The following RGS7 variants were observed in gnomAD, a reference collection of about 807,000 sequenced individuals.
RGS7 encodes the protein regulator of G protein signaling 7.
A neutral mutation model predicts 81.1 loss-of-function variants in RGS7; 27 were observed. The observed-to-expected ratio is 0.33, with a 90% CI of 0.25 to 0.46. RGS7 has a LOEUF of 0.46. Ranked by LOEUF, RGS7 falls within the 20% of genes least tolerant of loss-of-function variation. The pLI, the probability that RGS7 is intolerant of heterozygous loss-of-function variation, is 1.00. For synonymous variants in RGS7, 208 were observed against 207.7 expected, an observed-to-expected ratio of 1.00 and a Z score of -0.01; for missense variants, 396 against 607.4, an observed-to-expected ratio of 0.65 and a Z score of 3.66.
chr1:241,268,612 ACG>A (rs1218639783), intron 2 of RGS7, among the ~76,000 whole-genome samples: 1 of 152,136 alleles, frequency 6.6e-6, no homozygotes, highest in Non-Finnish European at 1.5e-5. Flanking sequence ...GCTAGGAGAT[ACG>A]AGAGGGAAAG....
At chr1:241,093,886 G>A (rs1572661233) in intron 3 of RGS7, among the ~76,000 whole-genome samples, 2 of 152,174 alleles carry the variant, frequency 1.3e-5, no homozygotes, top group East Asian at 3.9e-4. Context: ...TGCTATGGGG[G>A]ATGACTCCTA....
intron 2 of RGS7, among the ~76,000 whole-genome samples, chr1:241,217,569 T>C (rs1356643943): frequency 6.6e-6 from 1 of 152,106 alleles, no homozygotes; most frequent in African/African-American, 2.4e-5. Flanking sequence ...AGCAAGAGAC[T>C]CCACCAAGAC....
intron 9 of RGS7, among the ~76,000 whole-genome samples, chr1:240,865,312 A>G (rs1663036468): frequency 6.6e-6 from 1 of 152,160 alleles, no homozygotes; most frequent in Non-Finnish European, 1.5e-5. Context: ...CTGGAAGTGT[A>G]CACAATAGGA....
At chr1:241,112,805 A>G (rs539630888) in intron 2 of RGS7, among the ~76,000 whole-genome samples, 1 of 152,214 alleles carries the variant, frequency 6.6e-6, no homozygotes, top group Non-Finnish European at 1.5e-5. Context: ...AGGCACTACA[A>G]CGTTAAGATG....
chr1:240,863,137 G>T (rs1248566476), intron 9 of RGS7, among the ~76,000 whole-genome samples: 1 of 152,102 alleles, frequency 6.6e-6, no homozygotes, highest in Non-Finnish European at 1.5e-5. Context: ...TGTAGAGATG[G>T]AATCTCACTA....
chr1:241,321,687 C>T (rs1343085855), intron 2 of RGS7, among the ~76,000 whole-genome samples: 1 of 151,946 alleles, frequency 6.6e-6, no homozygotes. Context: ...TACTATGAAC[C>T]TTAAAGAATA....
In RGS7 at chr1:241,189,995, C is replaced by T. The variant is rs570788571; in HGVS notation, c.79-91233G>A. ...GTGGGCACCTGTAGTCCCAGCTACT[C>T]GGGAGGCTGAGGCAGGAGAATGGCG... On this transcript the variant is annotated intron_variant, in intron 2 of 18. Transcript: ENST00000440928. Among the ~76,000 whole-genome samples, 366 of 152,024 alleles carry T rather than the reference C, an allele frequency of 2.4e-3. 4 individuals are homozygous for T. The highest frequency in any genetic ancestry group is 0.014 in the Admixed American group (216 of 15,284).
At chr1:241,264,367 G>A (rs1008537227) in intron 2 of RGS7, among the ~76,000 whole-genome samples, 3 of 152,212 alleles carry the variant, frequency 2.0e-5, no homozygotes, top group Middle Eastern at 3.4e-3. Flanking sequence ...CTGTGGTGGC[G>A]TGCACCTGCA....
In RGS7 at chr1:241,292,263, A is replaced by T. The variant is rs954391176; in HGVS notation, c.78+63436T>A. On this transcript the variant is annotated intron_variant, in intron 2 of 18. Transcript: ENST00000440928. ...CACTCTAAATAATGATAAAAACTAT[A>T]GTATAGTAAATACATAAACCAGTAA... Among the ~76,000 whole-genome samples, 5 of 152,212 alleles carry T rather than the reference A, an allele frequency of 3.3e-5. 1 individual carries two copies. Among genetic ancestry groups the T allele is most frequent in the Admixed American group, 2.6e-4 (4 of 15,286 alleles).
chr1:241,147,762 T>C (rs1220177165), intron 2 of RGS7, among the ~76,000 whole-genome samples: 1 of 113,706 alleles, frequency 8.8e-6, no homozygotes, highest in Non-Finnish European at 1.8e-5. Flanking sequence ...GGATTAAATA[T>C]CCCATCTAGA....
chr1:240,948,917 C>A (rs1679097410), intron 4 of RGS7, among the ~76,000 whole-genome samples: 1 of 151,592 alleles, frequency 6.6e-6, no homozygotes, highest in South Asian at 2.1e-4. Flanking sequence ...AAGTAGTTAA[C>A]CACTTGGAAT....
intron 3 of RGS7, among the ~76,000 whole-genome samples, chr1:241,094,254 C>T (rs961682911): frequency 5.9e-5 from 9 of 151,352 alleles, no homozygotes; most frequent in Non-Finnish European, 1.3e-4. Context: ...CACACACACA[C>T]ACACACACAC....
intron 2 of RGS7, among the ~76,000 whole-genome samples, chr1:241,154,717 T>C (rs1260797700): frequency 2.0e-5 from 3 of 151,964 alleles, no homozygotes; most frequent in African/African-American, 4.8e-5. Context: ...CTGAGGAAAA[T>C]TGGCAGAGCT....
chr1:241,116,049 G>A (rs1345749947), intron 2 of RGS7, among the ~76,000 whole-genome samples: 1 of 152,104 alleles, frequency 6.6e-6, no homozygotes, highest in Non-Finnish European at 1.5e-5. Flanking sequence ...TGCCATGACT[G>A]TAACTTTCCT....
Position 241,177,877 on chromosome 1 carries a change from G to A in RGS7, c.79-79115C>T, listed in dbSNP as rs1451684805. On this transcript the variant is annotated intron_variant, in intron 2 of 18. Coordinates refer to ENST00000440928, the MANE Select transcript of RGS7 (RefSeq NM_001364886.1). The stretch of plus-strand genomic sequence containing the variant: ...TCATTTGCTGAGTCAGGGAAAAGTG[G>A]GGAGGAAAAGGAGGGTCGAGAAGAA... Among the ~76,000 whole-genome samples the A allele has an allele frequency of 2.2e-5, 3 of 139,450 alleles. No homozygotes were observed. The East Asian group carries it at 5.8e-4, about 27-fold the overall frequency. 91.5% of individuals were successfully genotyped at this position (139,450 alleles called of 152,430 possible). A position where few individuals can be genotyped will look rare whatever the true frequency, so the allele number is the denominator to read the frequency against.
intron 2 of RGS7, among the ~76,000 whole-genome samples, chr1:241,177,826 A>C (rs1002793236): frequency 5.9e-5 from 9 of 152,212 alleles, no homozygotes; most frequent in Middle Eastern, 3.2e-3. Flanking sequence ...TCTTAGTCTT[A>C]AGCTTAAACA....
chr1:241,133,116 G>T lies in RGS7; in HGVS notation c.79-34354C>A, dbSNP rs1199680935. 5.3e-5 allele frequency among the ~76,000 whole-genome samples: 8 copies of T among 152,062 alleles called. No individual in the cohort carries two copies. In the East Asian group the frequency reaches 1.5e-3, roughly 29 times the overall value. ...TCTACAGAAAAAGTTGTGAAAAATT[G>T]TGATATAATTGTATTGTAGTACATT... is the stretch of plus-strand genomic sequence containing the variant. On this transcript the variant is annotated intron_variant, in intron 2 of 18. Transcript: ENST00000440928.
At chr1:240,808,851 G>A (rs1689338459) in intron 14 of RGS7, among the ~76,000 whole-genome samples, 1 of 151,398 alleles carries the variant, frequency 6.6e-6, no homozygotes, top group Non-Finnish European at 1.5e-5. Context: ...CTGCAGCCTG[G>A]GTGTCAGAGA....
chr1:241,029,573 T>C (rs1572352735), intron 3 of RGS7, among the ~76,000 whole-genome samples: 2 of 152,334 alleles, frequency 1.3e-5, no homozygotes, highest in East Asian at 3.8e-4. Context: ...GCCTTCAAGA[T>C]GAATGTTACA....
Sources: allele counts gnomAD v4.1 joint callset (sites outside exome capture counted in the v4.1 genomes callset), GRCh38; gene constraint gnomAD v4.1.1; transcripts MANE v1.5; gene names NCBI Gene and HGNC (gene_info 2026-07-23, HGNC 2026-07-21).